Variants in OCA2 observed in about 807,000 individuals in gnomAD.
OCA2 encodes OCA2 melanosomal transmembrane protein.
OCA2 carries 77 observed loss-of-function variants against 100.2 expected under a neutral mutation model. That is an observed-to-expected ratio of 0.77 (90% CI 0.64 to 0.93). The LOEUF is 0.93. OCA2 is among the 40% of genes least tolerant of loss of function. The pLI is 0.00. For synonymous variants in OCA2, 432 were observed against 439.2 expected (o/e 0.98, Z 0.21); for missense variants, 1,062 against 1,089.1 (o/e 0.98, Z 0.35).
At chr15:27,796,326 T>C (rs2133244) in intron 23 of OCA2, among the ~76,000 whole-genome samples, 151,863 of 152,396 alleles carry the variant, frequency 1, 75,666 homozygotes, top group Middle Eastern at 1. Context: ...GACCCCAGTC[T>C]GGCCTCTCGC....
intron 6 of OCA2, among the ~76,000 whole-genome samples, chr15:28,021,209 A>C (rs1463932178): frequency 6.6e-6 from 1 of 152,168 alleles, no homozygotes; most frequent in East Asian, 1.9e-4. Context: ...TGCCCGCCGC[A>C]CTAGCAGTAC....
At chr15:27,960,277 T>C (rs548050698) in intron 15 of OCA2, among the ~76,000 whole-genome samples, 9 of 152,360 alleles carry the variant, frequency 5.9e-5, no homozygotes, top group Non-Finnish European at 1.2e-4. Flanking sequence ...AACATTATTG[T>C]GTCACAGGTG....
chr15:27,765,775 G>T, intron 23 of OCA2, among the ~76,000 whole-genome samples: 1 of 152,214 alleles, frequency 6.6e-6, no homozygotes, highest in African/African-American at 2.4e-5. Context: ...CCTCGGTTTG[G>T]TCCGGGAACA....
At chr15:28,091,732 G>C (rs1292324758) in intron 1 of OCA2, among the ~76,000 whole-genome samples, 2 of 152,170 alleles carry the variant, frequency 1.3e-5, no homozygotes, top group East Asian at 3.9e-4. Context: ...GAGGCAGGAG[G>C]ATCACTTGAG....
chr15:28,037,721 T>C (rs1456728437), intron 2 of OCA2, among the ~76,000 whole-genome samples: 1 of 152,234 alleles, frequency 6.6e-6, no homozygotes, highest in Non-Finnish European at 1.5e-5. Context: ...GATAATATTA[T>C]CCTCATTTTA....
chr15:27,980,791 T>G (rs563094722), intron 14 of OCA2, among the ~76,000 whole-genome samples: 1 of 152,364 alleles, frequency 6.6e-6, no homozygotes, highest in South Asian at 2.1e-4. Context: ...TCTTTTTCTT[T>G]GGAAACTAAG....
chr15:27,874,579 G>A (rs968224187), intron 19 of OCA2, among the ~76,000 whole-genome samples: 6 of 152,136 alleles, frequency 3.9e-5, no homozygotes, highest in African/African-American at 1.4e-4. Flanking sequence ...AACCAAAACA[G>A]ATTTAGCCAG....
At chr15:27,905,667 G>A (rs377295000) in intron 19 of OCA2, among the ~76,000 whole-genome samples, 6 of 152,352 alleles carry the variant, frequency 3.9e-5, no homozygotes, top group Non-Finnish European at 7.3e-5. Flanking sequence ...GCGGGGTTCC[G>A]CAAGGCAGGA....
chr15:27,873,102 C>T (rs16950482), intron 19 of OCA2, among the ~76,000 whole-genome samples: 3,364 of 152,352 alleles, frequency 0.022, 130 homozygotes, highest in African/African-American at 0.078. Context: ...TCACGATTCT[C>T]CATCAAGTTT....
At chr15:28,068,673 C>A (rs572956697) in intron 2 of OCA2, among the ~76,000 whole-genome samples, 2 of 152,342 alleles carry the variant, frequency 1.3e-5, no homozygotes, top group Admixed American at 1.3e-4. Flanking sequence ...CCCTCATGAA[C>A]ATAGATGCAG....
In OCA2 at chr15:27,985,102, G is replaced by A. The variant is rs886051025; in HGVS notation, c.1326C>T (p.Asn442=). ...IAAVLSAFLD[N]VTTMLLFTPV... is the part of the protein sequence containing the mutation. ...GCGTGAAGAGGAGCATGGTGGTGAC[G>A]TTGTCCAAGAAGGCAGAGAGGACGG... Residue 442 remains asparagine, a synonymous_variant, in exon 13 of 24, where the codon AAC becomes AAT. Coordinates refer to ENST00000354638, the MANE Select transcript of OCA2 (RefSeq NM_000275.3). 1.1e-5 allele frequency: 18 copies of A among 1,613,900 alleles called. No homozygotes were observed. The highest frequency in any genetic ancestry group is 2.2e-5 in the South Asian group (2 of 91,086).
intron 19 of OCA2, among the ~76,000 whole-genome samples, chr15:27,913,430 G>C (rs748747189): frequency 1.3e-4 from 19 of 151,824 alleles, no homozygotes; most frequent in Non-Finnish European, 2.5e-4. Context: ...CATCTTAAAA[G>C]TGTTATCCAT....
At chr15:27,802,956 TAAAAA>T (rs1216464301) in intron 23 of OCA2, among the ~76,000 whole-genome samples, 3 of 152,074 alleles carry the variant, frequency 2.0e-5, no homozygotes, top group African/African-American at 4.8e-5. Flanking sequence ...AAGACACTGT[TAAAAA>T]GAATGAACAG....
chr15:28,094,420 C>G (rs2044930887), intron 1 of OCA2, among the ~76,000 whole-genome samples: 1 of 152,308 alleles, frequency 6.6e-6, no homozygotes, highest in East Asian at 1.9e-4. Flanking sequence ...TGTAAGCCGG[C>G]GGCACAGGGC....
chr15:27,731,350 T>C, the OCA2 span, among the ~76,000 whole-genome samples: 2 of 152,232 alleles, frequency 1.3e-5, no homozygotes. Context: ...AAAAATACTA[T>C]TAAGCAAGAA....
chr15:27,811,729 T>C (rs2034088033), intron 23 of OCA2, among the ~76,000 whole-genome samples: 1 of 152,222 alleles, frequency 6.6e-6, no homozygotes, highest in Non-Finnish European at 1.5e-5. Flanking sequence ...CGTTTGCCCC[T>C]GTACCTCGGT....
chr15:28,048,286 G>A (rs1280068745), intron 2 of OCA2, among the ~76,000 whole-genome samples: 1 of 152,158 alleles, frequency 6.6e-6, no homozygotes, highest in Non-Finnish European at 1.5e-5. Flanking sequence ...GCTCTGAACA[G>A]CCAAAACAAT....
chr15:27,969,410 C>T (rs1021525063), intron 14 of OCA2, among the ~76,000 whole-genome samples: 1 of 152,162 alleles, frequency 6.6e-6, no homozygotes, highest in Non-Finnish European at 1.5e-5. Context: ...CAGTGGGATG[C>T]AGATGTTTGC....
Position 28,018,803 on chromosome 15 carries a change from G to A in OCA2, c.647-246C>T, listed in dbSNP as rs191683061. 2.6e-5 allele frequency among the ~76,000 whole-genome samples: 4 copies of A among 152,256 alleles called. 1 individual carries two copies. Among genetic ancestry groups the A allele is most frequent in the Admixed American group, 2.6e-4 (4 of 15,294 alleles). Reference sequence around the variant, plus strand: ...TTGTGAGAGGTGCCCCCCACACCAGGGAAAGGGTGCATCCTTAGCTCCAAA... The same window carrying A: ...TTGTGAGAGGTGCCCCCCACACCAGAGAAAGGGTGCATCCTTAGCTCCAAA... On this transcript the variant is annotated intron_variant, in intron 6 of 23. Coordinates refer to ENST00000354638, the MANE Select transcript of OCA2 (RefSeq NM_000275.3).
Sources: allele counts gnomAD v4.1 joint callset (sites outside exome capture counted in the v4.1 genomes callset), GRCh38; gene constraint gnomAD v4.1.1; transcripts MANE v1.5; gene names NCBI Gene and HGNC (gene_info 2026-07-23, HGNC 2026-07-21).